Variants in DGKB observed in about 807,000 individuals in gnomAD.
The protein encoded by DGKB is 90 kDa diacylglycerol kinase.
In DGKB, 67 loss-of-function variants were observed where a neutral mutation model predicts 114.3. The observed-to-expected ratio is 0.59, with a 90% confidence interval of 0.48 to 0.72. DGKB has a LOEUF of 0.72. Among genes scored for constraint, DGKB ranks in the 30% least tolerant of loss-of-function variants. The pLI is 0.00. For missense variants in DGKB, 907 were observed against 975.2 expected (o/e 0.93, Z 0.93); for synonymous variants, 398 against 323.1 (o/e 1.23, Z -2.49).
intron 23 of DGKB, among the ~76,000 whole-genome samples, chr7:14,321,502 G>C (rs1448473698): frequency 6.6e-6 from 1 of 150,664 alleles, no homozygotes; most frequent in Non-Finnish European, 1.5e-5. Context: ...GTGAACTATT[G>C]AAATCTCCCC....
intron 7 of DGKB, among the ~76,000 whole-genome samples, chr7:14,699,953 T>C (rs896518625): frequency 6.6e-6 from 1 of 151,148 alleles, no homozygotes; most frequent in African/African-American, 2.4e-5. Flanking sequence ...TGCCAACCCA[T>C]GGCTAAAGCC....
intron 21 of DGKB, among the ~76,000 whole-genome samples, chr7:14,418,858 C>T (rs1826216424): frequency 6.6e-6 from 1 of 151,908 alleles, no homozygotes; most frequent in African/African-American, 2.4e-5. Context: ...GTGAGAAATT[C>T]ATTATCACAA....
chr7:14,146,230 T>C lies in DGKB; in HGVS notation c.*2901A>G, dbSNP rs955900643. 1 of 152,248 alleles carries C rather than the reference T, an allele frequency of 6.6e-6. No individual in the cohort carries two copies. Among genetic ancestry groups the C allele is most frequent in the Non-Finnish European group, 1.5e-5 (1 of 68,046 alleles). 9.4% of individuals were successfully genotyped at this position (152,248 alleles called of 1,614,324 possible). A position where few individuals can be genotyped will look rare whatever the true frequency, so the allele number is the denominator to read the frequency against. On this transcript the variant is annotated 3_prime_UTR_variant, in exon 26 of 26. Coordinates refer to ENST00000402815, the MANE Select transcript of DGKB (RefSeq NM_001350709.2). ...ACGTCTTTTAAACTTTCTGGTTCTA[T>C]GTAGATACCTCCCTTCCTATCTCTT... is the stretch of plus-strand genomic sequence containing the variant.
intron 2 of DGKB, among the ~76,000 whole-genome samples, chr7:14,792,551 C>A (rs1429738266): frequency 6.6e-6 from 1 of 151,976 alleles, no homozygotes; most frequent in East Asian, 1.9e-4. Flanking sequence ...TAAATGACAA[C>A]CCTGGTTCCC....
intron 5 of DGKB, among the ~76,000 whole-genome samples, chr7:14,730,936 G>C (rs796829527): frequency 6.6e-5 from 10 of 152,268 alleles, no homozygotes; most frequent in African/African-American, 2.4e-4. Flanking sequence ...ATATAATCAG[G>C]CTTCTGTTTG....
At position 14,223,785 on chromosome 7, in the gene DGKB, AT is replaced by A. The variant is rs201870738; in HGVS notation, c.2123-45635del. Among the ~76,000 whole-genome samples the A allele has an allele frequency of 2.9e-4, 43 of 150,298 alleles. 1 individual carries two copies. Among genetic ancestry groups the A allele is most frequent in the Middle Eastern group, 3.4e-3 (1 of 294 alleles). ...TTGATCAATACAGAATTCATGGTTG[AT>A]TTTTTTTTCTTTCAGCCCTTTAAAT... On this transcript the variant is annotated intron_variant, in intron 23 of 25. Transcript: ENST00000402815.
intron 15 of DGKB, among the ~76,000 whole-genome samples, chr7:14,615,048 G>A (rs1365623196): frequency 1.3e-5 from 2 of 151,954 alleles, no homozygotes; most frequent in African/African-American, 2.4e-5. Context: ...ACCTGTGTTC[G>A]ATTTTCTTTA....
intron 23 of DGKB, among the ~76,000 whole-genome samples, chr7:14,321,224 G>C (rs1450739614): frequency 6.6e-6 from 1 of 152,204 alleles, no homozygotes. Context: ...CCAGGAGGCA[G>C]AGGCTGCAGT....
chr7:14,804,070 GGT>G (rs34964846), intron 2 of DGKB, among the ~76,000 whole-genome samples: 1,604 of 146,366 alleles, frequency 0.011, 25 homozygotes, highest in African/African-American at 0.031. Flanking sequence ...TCACTTTTTG[GGT>G]GTGTGTGTGT....
At chr7:14,216,911 G>A (rs1261312998) in intron 23 of DGKB, among the ~76,000 whole-genome samples, 1 of 151,804 alleles carries the variant, frequency 6.6e-6, no homozygotes, top group Non-Finnish European at 1.5e-5. Flanking sequence ...ATGATTTTTT[G>A]TTTCTTTCCA....
At chr7:14,865,551 G>C (rs1298292864) in intron 1 of DGKB, among the ~76,000 whole-genome samples, 2 of 152,204 alleles carry the variant, frequency 1.3e-5, no homozygotes, top group Non-Finnish European at 2.9e-5. Context: ...GTGGCTTCCT[G>C]CTGTTGCTAT....
At chr7:14,446,943 T>G (rs973860079) in intron 21 of DGKB, among the ~76,000 whole-genome samples, 1 of 152,128 alleles carries the variant, frequency 6.6e-6, no homozygotes, top group Non-Finnish European at 1.5e-5. Flanking sequence ...GGTTAAGAAC[T>G]TCCTCTTATA....
chr7:14,678,266 T>G (rs1451072965), intron 12 of DGKB, among the ~76,000 whole-genome samples: 1 of 152,052 alleles, frequency 6.6e-6, no homozygotes. Flanking sequence ...GTGCAAACGA[T>G]GTTAGACTAT....
upstream of DGKB, among the ~76,000 whole-genome samples, chr7:14,906,622 TTTTGTA>T (rs1783724169): frequency 6.6e-6 from 1 of 151,884 alleles, no homozygotes; most frequent in African/African-American, 2.4e-5. Context: ...CCCAGCTAAT[TTTTGTA>T]TTTTAGTGGA....
At chr7:14,341,292 C>T (rs771165376) in intron 22 of DGKB, among the ~76,000 whole-genome samples, 2 of 151,728 alleles carry the variant, frequency 1.3e-5, no homozygotes, top group Non-Finnish European at 2.9e-5. Flanking sequence ...TTTGCTTTAA[C>T]GTTATGTTCA....
At chr7:14,572,451 CA>C (rs545890989) in intron 20 of DGKB, among the ~76,000 whole-genome samples, 4 of 131,358 alleles carry the variant, frequency 3.0e-5, no homozygotes, top group Non-Finnish European at 3.2e-5. Context: ...GACACCATCT[CA>C]AAAAAAAAGA....
chr7:14,729,142 T>A (rs1830475124), intron 5 of DGKB, among the ~76,000 whole-genome samples: 2 of 146,940 alleles, frequency 1.4e-5, no homozygotes, highest in South Asian at 4.3e-4. Context: ...TTTTTTTTTT[T>A]GATGGAGTCT....
intron 17 of DGKB, among the ~76,000 whole-genome samples, chr7:14,598,170 T>C (rs1199905605): frequency 1.3e-5 from 2 of 152,194 alleles, no homozygotes; most frequent in Non-Finnish European, 2.9e-5. Context: ...AGTGCATGAA[T>C]TGAATGAATT....
Position 14,149,014 on chromosome 7 carries a change from A to G in DGKB, c.*117T>C, listed in dbSNP as rs1781782767. On this transcript the variant is annotated 3_prime_UTR_variant, in exon 26 of 26. Coordinates refer to ENST00000402815, the MANE Select transcript of DGKB (RefSeq NM_001350709.2). ...ATTAGCTTAGTAACAAAAACTGTTA[A>G]ACCACTTCCATGATTTTGCATGAGC... 1 of 903,660 alleles carries G rather than the reference A, an allele frequency of 1.1e-6. No homozygotes were observed. Among genetic ancestry groups the G allele is most frequent in the South Asian group, 1.4e-5 (1 of 69,650 alleles). The allele number at this position is 903,660 out of a possible 1,614,324, so 56.0% of individuals were successfully genotyped here.
Sources: allele counts gnomAD v4.1 joint callset (sites outside exome capture counted in the v4.1 genomes callset), GRCh38; gene constraint gnomAD v4.1.1; transcripts MANE v1.5; gene names NCBI Gene and HGNC (gene_info 2026-07-23, HGNC 2026-07-21).